DPYD: variants seen among roughly 807,000 people sequenced by gnomAD.
DPYD encodes the protein dihydropyrimidine dehydrogenase [NADP(+)].
DPYD carries 109 observed loss-of-function variants against 116.2 expected under a neutral mutation model. The observed-to-expected ratio is 0.94, with a 90% CI of 0.80 to 1.10. The LOEUF is 1.10. DPYD is among the 50% of genes least tolerant of loss of function. DPYD has a pLI of 0.00. For synonymous variants in DPYD, 440 were observed against 432.0 expected, an observed-to-expected ratio of 1.02 and a Z score of -0.23; for missense variants, 1,302 against 1,254.5, an observed-to-expected ratio of 1.04 and a Z score of -0.57.
intron 13 of DPYD, among the ~76,000 whole-genome samples, chr1:97,470,628 G>A (rs1677594356): frequency 6.6e-6 from 1 of 152,290 alleles, no homozygotes; most frequent in South Asian, 2.1e-4. Context: ...TTGATCTTTA[G>A]GAGGGCTTCC....
chr1:97,236,526 A>G (rs1224179961), intron 18 of DPYD, among the ~76,000 whole-genome samples: 5 of 152,324 alleles, frequency 3.3e-5, no homozygotes, highest in African/African-American at 1.2e-4. Context: ...AACTGTGGAG[A>G]CAGTGAAAAT....
intron 1 of DPYD, among the ~76,000 whole-genome samples, chr1:97,887,469 TAAAAAAAAAAAA>T (rs57316508): frequency 6.4e-5 from 3 of 47,150 alleles, no homozygotes; most frequent in Admixed American, 2.8e-4. Flanking sequence ...GACTCTGCAT[TAAAAAAAAAAAA>T]AAAAAAAAAA....
At chr1:97,194,827 T>A (rs1477041703) in intron 19 of DPYD, among the ~76,000 whole-genome samples, 1 of 152,012 alleles carries the variant, frequency 6.6e-6, no homozygotes, top group Non-Finnish European at 1.5e-5. Flanking sequence ...ATTAGCAGCA[T>A]GAGAATGGAC....
intron 18 of DPYD, among the ~76,000 whole-genome samples, chr1:97,264,841 T>C (rs988684644): frequency 6.6e-6 from 1 of 152,186 alleles, no homozygotes; most frequent in African/African-American, 2.4e-5. Context: ...CAGATATTTC[T>C]TGATCAAGGC....
chr1:97,238,128 A>G (rs1366164898), intron 18 of DPYD, among the ~76,000 whole-genome samples: 2 of 152,172 alleles, frequency 1.3e-5, no homozygotes, highest in African/African-American at 2.4e-5. Context: ...TCAATAAGAC[A>G]TTTTCCAATT....
intron 2 of DPYD, among the ~76,000 whole-genome samples, chr1:97,829,796 C>A (rs565352570): frequency 2.0e-5 from 3 of 151,606 alleles, no homozygotes; most frequent in East Asian, 3.9e-4. Context: ...GGTACAGGAA[C>A]GTGCAGTTTT....
intron 8 of DPYD, among the ~76,000 whole-genome samples, chr1:97,632,871 T>C (rs1279533800): frequency 6.6e-6 from 1 of 152,132 alleles, no homozygotes; most frequent in African/African-American, 2.4e-5. Context: ...TTTAGATCAC[T>C]CAACATTTTT....
At chr1:97,759,133 T>C (rs1267688746) in intron 3 of DPYD, among the ~76,000 whole-genome samples, 2 of 152,202 alleles carry the variant, frequency 1.3e-5, no homozygotes, top group East Asian at 3.9e-4. Flanking sequence ...CTAAATTTTT[T>C]GGCTTGTGTT....
intron 18 of DPYD, among the ~76,000 whole-genome samples, chr1:97,278,921 AT>A (rs35732009): frequency 5.9e-4 from 89 of 150,964 alleles, no homozygotes; most frequent in African/African-American, 1.2e-3. Flanking sequence ...TTTCGTAAAA[AT>A]TTTTTTTTTC....
chr1:97,621,096 T>G (rs540761703), intron 8 of DPYD, among the ~76,000 whole-genome samples: 2 of 152,266 alleles, frequency 1.3e-5, no homozygotes, highest in Admixed American at 6.5e-5. Context: ...TTTGATTGAG[T>G]ATATTAACTA....
At position 97,676,594 on chromosome 1, in the gene DPYD, C is replaced by T. The variant is rs931903199; in HGVS notation, c.850+2501G>A. Among the ~76,000 whole-genome samples the T allele has an allele frequency of 3.3e-5, 5 of 152,090 alleles. No homozygotes were observed. The South Asian group carries it at 1.0e-3, about 32-fold the overall frequency. On this transcript the variant is annotated intron_variant, in intron 8 of 22. Transcript: ENST00000370192. Reference sequence around the variant, plus strand: ...TGGAATTCCTATTCTACATTTCCTCCTACAAAATCAGTGAGAAAGGGTAGA... The same window carrying T: ...TGGAATTCCTATTCTACATTTCCTCTTACAAAATCAGTGAGAAAGGGTAGA...
At chr1:97,551,096 T>G (rs1275000916) in intron 11 of DPYD, among the ~76,000 whole-genome samples, 1 of 152,166 alleles carries the variant, frequency 6.6e-6, no homozygotes, top group Non-Finnish European at 1.5e-5. Context: ...TCAATTGGAT[T>G]GATGGATGAA....
intron 6 of DPYD, among the ~76,000 whole-genome samples, chr1:97,694,364 C>T (rs1479604751): frequency 6.6e-6 from 1 of 152,144 alleles, no homozygotes; most frequent in African/African-American, 2.4e-5. Context: ...CATACATCAG[C>T]AGAACAACAT....
In DPYD at chr1:97,278,253, A is replaced by G. The variant is rs115386294; in HGVS notation, c.2299+27006T>C. Among the ~76,000 whole-genome samples, 1,049 of 152,320 alleles carry G rather than the reference A, an allele frequency of 6.9e-3. 21 individuals are homozygous for G. Among genetic ancestry groups the G allele is most frequent in the African/African-American group, 0.024 (988 of 41,574 alleles). On this transcript the variant is annotated intron_variant, in intron 18 of 22. Transcript: ENST00000370192. Reference sequence around the variant, plus strand: ...AATGTTAGTGAAAGTTTGCCTACTCAGGGGCTTCATCTCATAAGAAAGTAC... The same window carrying G: ...AATGTTAGTGAAAGTTTGCCTACTCGGGGGCTTCATCTCATAAGAAAGTAC...
At chr1:97,397,390 C>T (rs979162246) in intron 14 of DPYD, among the ~76,000 whole-genome samples, 4 of 152,022 alleles carry the variant, frequency 2.6e-5, no homozygotes, top group Non-Finnish European at 5.9e-5. Flanking sequence ...CCACAGTTTA[C>T]ATCAGAGTTC....
intron 2 of DPYD, among the ~76,000 whole-genome samples, chr1:97,850,361 A>C (rs1670510848): frequency 1.3e-5 from 2 of 152,294 alleles, no homozygotes; most frequent in South Asian, 4.1e-4. Context: ...TTAACTTCTA[A>C]AGTAGGTATT....
chr1:97,698,906 A>G (rs1661445784), intron 6 of DPYD, among the ~76,000 whole-genome samples: 1 of 151,990 alleles, frequency 6.6e-6, no homozygotes, highest in Non-Finnish European at 1.5e-5. Context: ...TTTAATCAAA[A>G]GTAAGACTTA....
intron 16 of DPYD, among the ~76,000 whole-genome samples, chr1:97,363,938 C>T (rs533836193): frequency 7.2e-4 from 110 of 152,302 alleles, no homozygotes; most frequent in African/African-American, 2.6e-3. Context: ...TACCCTAGAA[C>T]TTAAATTATA....
Position 97,382,407 on chromosome 1 carries a change from C to A in DPYD, c.1960G>T (p.Ala654Ser). 6.3e-7 allele frequency: 1 copy of A among 1,597,174 alleles called. No homozygotes were observed. The highest frequency in any genetic ancestry group is 8.5e-7 in the Non-Finnish European group (1 of 1,170,950). ...GTAACCATTACCTCAGACTTCTTGGCAAGTTCCGTCCAGTCATTTTTATTG... is the reference window on the plus strand; with the variant it reads ...GTAACCATTACCTCAGACTTCTTGGAAAGTTCCGTCCAGTCATTTTTATTG... ...SYNKNDWTEL[A>S]KKSEDSGADA... The change falls in exon 15 of 23, where the codon GCC becomes TCC. Residue 654 changes from alanine to serine, a missense_variant. By Grantham distance (99) the Ala-to-Ser change is moderately conservative (BLOSUM62 1). Coordinates refer to ENST00000370192, the MANE Select transcript of DPYD (RefSeq NM_000110.4).
Sources: gnomAD v4.1 joint callset for allele counts (sites outside exome capture counted in the v4.1 genomes callset) on GRCh38, gnomAD v4.1.1 for gene constraint, MANE v1.5 for transcripts, NCBI Gene and HGNC (gene_info 2026-07-23, HGNC 2026-07-21) for gene names.